BCOR: variants seen among roughly 807,000 people sequenced by gnomAD.
BCOR encodes BCL-6 corepressor.
In BCOR, 10 loss-of-function variants were observed where a neutral mutation model predicts 86.7. The observed-to-expected ratio is 0.12, with a 90% confidence interval of 0.07 to 0.20. The LOEUF (loss-of-function observed/expected upper bound fraction) is 0.20. Among genes scored for constraint, BCOR ranks in the 10% least tolerant of loss-of-function variants. The pLI is 1.00. For missense variants in BCOR, 1,259 were observed against 1,452.1 expected (o/e 0.87, Z 2.16); for synonymous variants, 611 against 609.0 (o/e 1.00, Z -0.05).
In BCOR at chrX:40,073,964, A is replaced by G; in HGVS notation, c.1382T>C (p.Met461Thr). 11 of 1,212,419 alleles carry G rather than the reference A, an allele frequency of 9.1e-6. No homozygotes were observed. Among genetic ancestry groups the G allele is most frequent in the Non-Finnish European group, 1.2e-5 (11 of 895,656 alleles). Residue 461 changes from methionine to threonine, a missense_variant, in exon 4 of 15, where the codon ATG becomes ACG. By Grantham distance (81) the Met-to-Thr change is moderately conservative. Coordinates refer to ENST00000378444, the MANE Select transcript of BCOR (RefSeq NM_001123385.2). The part of the protein sequence containing the change: ...DASKADHMKK[M>T]APTVLVHSRA... ...GCTGTGAACCAGGACCGTGGGAGCC[A>G]TCTTTTTCATGTGGTCAGCTTTGGA...
chrX:40,163,489 C>T (rs1407896480), intron 1 of BCOR, among the ~76,000 whole-genome samples: 1 of 110,783 alleles, frequency 9.0e-6, no homozygotes, highest in Non-Finnish European at 1.9e-5. Flanking sequence ...GGGTAGAAAC[C>T]CCTATTACAA....
At position 40,072,766 on chromosome X, in the gene BCOR, C is replaced by T; in HGVS notation, c.2580G>A (p.Gly860=). 8.3e-7 allele frequency: 1 copy of T among 1,211,881 alleles called. No individual in the cohort carries two copies. The highest frequency in any genetic ancestry group is 1.7e-5 in the African/African-American group (1 of 57,784). The part of the protein sequence containing the change: ...RDFIALREEL[G]RISDFHETYT... ...AAGTTTCGTGGAAGTCACTGATGCGCCCCAACTCCTCTCTCAGGGCGATGA... is the reference window on the plus strand; with the variant it reads ...AAGTTTCGTGGAAGTCACTGATGCGTCCCAACTCCTCTCTCAGGGCGATGA... The change falls in exon 4 of 15, where the codon GGG becomes GGA. Residue 860 remains glycine, a synonymous_variant. Transcript: ENST00000378444.
chrX:40,130,905 C>G (rs1212800784), intron 1 of BCOR, among the ~76,000 whole-genome samples: 1 of 111,534 alleles, frequency 9.0e-6, no homozygotes, highest in Non-Finnish European at 1.9e-5. Flanking sequence ...ATCTGTCATG[C>G]AAGCCACCCC....
chrX:40,092,980 T>C lies in BCOR; in HGVS notation c.-41+4235A>G, dbSNP rs781296848. 8.9e-5 allele frequency among the ~76,000 whole-genome samples: 10 copies of C among 112,455 alleles called. No homozygotes were observed. In the South Asian group the frequency reaches 3.7e-3, roughly 42 times the overall value. On this transcript the variant is annotated intron_variant, in intron 1 of 14. Transcript: ENST00000378444. ...GTCATTCAGCCTGTGTATCTAAGCA[T>C]GGATGTATGCATATGAATGCTTTTT...
chrX:40,099,201 C>T (rs1320373712), upstream of BCOR, among the ~76,000 whole-genome samples: 1 of 110,663 alleles, frequency 9.0e-6, no homozygotes, highest in Non-Finnish European at 1.9e-5. Flanking sequence ...CCCGGCGCGG[C>T]TCTGGGCGCG....
At position 40,095,285 on chromosome X, in the gene BCOR, G is replaced by A. The variant is rs1936806970; in HGVS notation, c.-41+1930C>T. 2.7e-5 allele frequency among the ~76,000 whole-genome samples: 3 copies of A among 112,020 alleles called. No homozygotes were observed. In the South Asian group the frequency reaches 1.1e-3, roughly 42 times the overall value. On this transcript the variant is annotated intron_variant, in intron 1 of 14. Transcript: ENST00000378444. ...ACGAGCGTATTCCCTAAGTGTCCAC[G>A]TACAGGAATCTTTGAGGCTGACAAT...
At chrX:40,094,712 G>T (rs961402727) in intron 1 of BCOR, among the ~76,000 whole-genome samples, 13 of 112,660 alleles carry the variant, frequency 1.2e-4, no homozygotes. Context: ...CGGGCTGCGC[G>T]GGCCTCGAGG....
chrX:40,071,960 G>A (rs970219617), intron 4 of BCOR: 15 of 383,555 alleles, frequency 3.9e-5, no homozygotes, highest in East Asian at 1.3e-4. Context: ...ACAGACATGC[G>A]GCTGCTACAC....
chrX:40,098,215 G>C (rs1293526195), upstream of BCOR, among the ~76,000 whole-genome samples: 2 of 109,495 alleles, frequency 1.8e-5, no homozygotes, highest in African/African-American at 3.3e-5. Flanking sequence ...TTCGGGAGGG[G>C]TGATTCCCCA....
In BCOR at chrX:40,089,332, C is replaced by T. The variant is rs180774359; in HGVS notation, c.-41+7883G>A. 8.9e-5 allele frequency among the ~76,000 whole-genome samples: 10 copies of T among 111,920 alleles called. No homozygotes were observed. In the East Asian group the frequency reaches 2.5e-3, roughly 28 times the overall value. Reference sequence around the variant, plus strand: ...CACACAGCTAGTAAAAAATGGGCCACGGTCAAACTCAGTCCTGGAGTTGCG... The same window carrying T: ...CACACAGCTAGTAAAAAATGGGCCATGGTCAAACTCAGTCCTGGAGTTGCG... On this transcript the variant is annotated intron_variant, in intron 1 of 14. Transcript: ENST00000378444.
intron 1 of BCOR, among the ~76,000 whole-genome samples, chrX:40,086,362 T>C (rs1936357556): frequency 8.9e-6 from 1 of 112,852 alleles, no homozygotes; most frequent in African/African-American, 3.2e-5. Flanking sequence ...TTCACAAATC[T>C]TAAAAACTCA....
intron 1 of BCOR, among the ~76,000 whole-genome samples, chrX:40,080,381 C>T (rs887800741): frequency 4.5e-5 from 5 of 111,031 alleles, no homozygotes; most frequent in East Asian, 2.9e-4. Flanking sequence ...GTGGAGGTTG[C>T]GGTGAGCCGA....
intron 1 of BCOR, among the ~76,000 whole-genome samples, chrX:40,091,775 C>G (rs1204625237): frequency 8.8e-6 from 1 of 113,056 alleles, no homozygotes; most frequent in East Asian, 2.8e-4. Flanking sequence ...CTGGCTCTAC[C>G]ACCTAGGCCT....
rs978770652 is a variant in BCOR, at chrX:40,076,362, T to C, written c.165+92A>G. ...CTCTGAACTGCCACCCCTCCCCCAT[T>C]CCCCACCCTTTAAGGGCATGCAAAT... is the stretch of plus-strand genomic sequence containing the variant. On this transcript the variant is annotated intron_variant, in intron 3 of 14. Coordinates refer to ENST00000378444, the MANE Select transcript of BCOR (RefSeq NM_001123385.2). 8 of 749,289 alleles carry C rather than the reference T, an allele frequency of 1.1e-5. No individual in the cohort carries two copies. The African/African-American group carries it at 1.5e-4, about 14-fold the overall frequency. 61.7% of individuals were successfully genotyped at this position (749,289 alleles called of 1,213,427 possible). A position where few individuals can be genotyped will look rare whatever the true frequency, so the allele number is the denominator to read the frequency against.
intron 1 of BCOR, among the ~76,000 whole-genome samples, chrX:40,086,764 G>T (rs888986053): frequency 1.8e-5 from 2 of 113,549 alleles, no homozygotes; most frequent in African/African-American, 6.4e-5. Flanking sequence ...TTACCACATA[G>T]TTAAAGCCAG....
intron 1 of BCOR, among the ~76,000 whole-genome samples, chrX:40,115,587 C>T (rs905134077): frequency 2.5e-4 from 27 of 109,780 alleles, no homozygotes; most frequent in African/African-American, 8.6e-4. Flanking sequence ...ACCAGCCTAG[C>T]CAACATGGCG....
rs1384606174 is a variant in BCOR, at chrX:40,139,444, AT to A, written c.-41+37562del. On this transcript the variant is annotated intron_variant, in intron 1 of 14. Transcript: ENST00000342274. ...TATATACATATATATATATATATAT[AT>A]AATATATATACATATATATATATAT... is the stretch of plus-strand genomic sequence containing the variant. Among the ~76,000 whole-genome samples, 3 of 11,568 alleles carry A rather than the reference AT, an allele frequency of 2.6e-4. No individual in the cohort carries two copies. The African/African-American group carries it at 3.9e-3, about 15-fold the overall frequency. 10.0% of individuals were successfully genotyped at this position (11,568 alleles called of 115,157 possible).
chrX:40,171,505 G>T (rs1228336935), intron 1 of BCOR, among the ~76,000 whole-genome samples: 4 of 111,596 alleles, frequency 3.6e-5, no homozygotes, highest in South Asian at 3.8e-4. Flanking sequence ...ATGGGGGGGG[G>T]GCGTAAGGAG....
rs1424772440 is a variant in BCOR at position 40,084,711 on chromosome X, CCA to C, written c.-40-6744_-40-6743del. ...CAAACGCCGTCGCCGCCACCCCCCCCCACCACCACCACCACCGAAGGGAACAA... is the reference window on the plus strand; with the variant it reads ...CAAACGCCGTCGCCGCCACCCCCCCCCCACCACCACCACCGAAGGGAACAA... On this transcript the variant is annotated intron_variant, in intron 1 of 14. Coordinates refer to ENST00000378444, the MANE Select transcript of BCOR (RefSeq NM_001123385.2). Among the ~76,000 whole-genome samples the C allele has an allele frequency of 1.1e-3, 111 of 97,973 alleles. 2 individuals carry two copies. The highest frequency in any genetic ancestry group is 4.6e-3 in the African/African-American group (98 of 21,167). The allele number at this position is 97,973 out of a possible 115,157, so 85.1% of individuals were successfully genotyped here.
Sources: allele counts gnomAD v4.1 joint callset (sites outside exome capture counted in the v4.1 genomes callset), GRCh38; gene constraint gnomAD v4.1.1; transcripts MANE v1.5; gene names NCBI Gene and HGNC (gene_info 2026-07-23, HGNC 2026-07-21).